TMEM132B: variants seen among roughly 807,000 people sequenced by gnomAD.
TMEM132B encodes transmembrane protein 132B.
Under a neutral mutation model 90.8 loss-of-function variants are expected in TMEM132B, and 18 were observed. That is an observed-to-expected ratio of 0.20 (90% CI 0.14 to 0.29). TMEM132B has a LOEUF of 0.29. TMEM132B is among the 10% of genes least tolerant of loss of function. TMEM132B has a pLI of 1.00. For missense variants in TMEM132B, 1,096 were observed against 1,326.8 expected (o/e 0.83, Z 2.70); for synonymous variants, 504 against 523.3 (o/e 0.96, Z 0.50).
chr12:125,417,882 C>T (rs963842406), intron 3 of TMEM132B, among the ~76,000 whole-genome samples: 1 of 152,168 alleles, frequency 6.6e-6, no homozygotes, highest in South Asian at 2.1e-4. Context: ...CACCCTGAAC[C>T]AATCACTGTA....
chr12:125,314,673 CA>C (rs1876216148), intron 1 of TMEM132B, among the ~76,000 whole-genome samples: 1 of 152,190 alleles, frequency 6.6e-6, no homozygotes, highest in South Asian at 2.1e-4. Context: ...TCTTTTCTTC[CA>C]GCTCAAATGA....
chr12:125,561,486 G>A (rs570812858), intron 4 of TMEM132B, among the ~76,000 whole-genome samples: 11 of 152,124 alleles, frequency 7.2e-5, no homozygotes, highest in Admixed American at 5.9e-4. Flanking sequence ...AAACCTGCAC[G>A]TTCTGCACAT....
intron 4 of TMEM132B, among the ~76,000 whole-genome samples, chr12:125,527,063 C>A (rs111205164): frequency 0.036 from 5,191 of 142,464 alleles, 239 homozygotes; most frequent in African/African-American, 0.12. Context: ...TCCATCCACC[C>A]ATTTACCCTT....
chr12:125,191,517 AT>A (rs1232237566), intron 1 of TMEM132B, among the ~76,000 whole-genome samples: 1 of 152,136 alleles, frequency 6.6e-6, no homozygotes, highest in African/African-American at 2.4e-5. Flanking sequence ...CTTGTGCGGA[AT>A]GGTGTGGCCC....
chr12:125,644,101 T>C lies in TMEM132B; in HGVS notation c.1463T>C (p.Phe488Ser), dbSNP rs1041259058. ...GTTTCCAACAACTGTGATTCCATTT[T>C]TGTGAATGGGAAGGAAATGAAGAGC... ...IKVSNNCDSIFVNGKEMKSKV... is the reference protein window; with the variant it reads ...IKVSNNCDSISVNGKEMKSKV... Residue 488 changes from phenylalanine (F) to serine (S), a missense_variant, in exon 6 of 9, where the codon TTT becomes TCT. Physicochemically the swap from Phe to Ser is radical, Grantham distance 155. Transcript: ENST00000682704. The C allele has an allele frequency of 6.2e-7, 1 of 1,614,220 alleles. No homozygotes were observed. The highest frequency in any genetic ancestry group is 1.1e-5 in the South Asian group (1 of 91,086).
intron 5 of TMEM132B, among the ~76,000 whole-genome samples, chr12:125,604,968 T>G (rs372898952): frequency 6.6e-6 from 1 of 152,190 alleles, no homozygotes; most frequent in East Asian, 1.9e-4. Context: ...AGAAAGTTTG[T>G]GCACAAAACT....
At chr12:125,429,920 C>T (rs115050688) in intron 3 of TMEM132B, among the ~76,000 whole-genome samples, 1,752 of 152,290 alleles carry the variant, frequency 0.012, 31 homozygotes, top group African/African-American at 0.039. Flanking sequence ...TGCGTGCAGC[C>T]CACGCTGAAG....
At chr12:125,517,383 G>A (rs1215202517) in intron 3 of TMEM132B, among the ~76,000 whole-genome samples, 4 of 129,350 alleles carry the variant, frequency 3.1e-5, no homozygotes, top group Admixed American at 1.9e-4. Context: ...TAGTAGAGAC[G>A]GGGTTTCACT....
intron 1 of TMEM132B, among the ~76,000 whole-genome samples, chr12:125,327,221 G>A (rs1876610762): frequency 6.6e-6 from 1 of 152,092 alleles, no homozygotes; most frequent in South Asian, 2.1e-4. Flanking sequence ...GGTCTCTCCT[G>A]AGCTCCAGCA....
chr12:125,464,009 G>T (rs569887102), intron 3 of TMEM132B, among the ~76,000 whole-genome samples: 2 of 152,256 alleles, frequency 1.3e-5, no homozygotes, highest in African/African-American at 4.8e-5. Flanking sequence ...TCACTATCAT[G>T]AGAACAGCAT....
chr12:125,411,272 A>G (rs975820830), intron 2 of TMEM132B, among the ~76,000 whole-genome samples: 2 of 150,206 alleles, frequency 1.3e-5, no homozygotes, highest in Non-Finnish European at 3.0e-5. Context: ...AGAAAACCAA[A>G]CACCGCGTGT....
At chr12:125,212,887 C>T (rs1429455962) in intron 1 of TMEM132B, among the ~76,000 whole-genome samples, 1 of 152,114 alleles carries the variant, frequency 6.6e-6, no homozygotes, top group African/African-American at 2.4e-5. Flanking sequence ...CAGGGTCTAA[C>T]TGTTTCACTT....
Position 125,622,621 on chromosome 12 carries a change from C to T in TMEM132B, c.1438-21455C>T, listed in dbSNP as rs78211470. On this transcript the variant is annotated intron_variant, in intron 5 of 8. Coordinates refer to ENST00000682704, the MANE Select transcript of TMEM132B (RefSeq NM_001366854.1). ...CTGGGTCTCTCTCTGGAAATCTCCA[C>T]TTTGAGTGTGAGTTTAGGTGTCCAG... 3,836 of 985,436 alleles carry T rather than the reference C, an allele frequency of 3.9e-3. 139 individuals carry two copies. In the African/African-American group the frequency reaches 0.062, roughly 16 times the overall value. The allele number at this position is 985,436 out of a possible 1,614,324, so 61.0% of individuals were successfully genotyped here. A position where few individuals can be genotyped will look rare whatever the true frequency, so the allele number is the denominator to read the frequency against.
intron 1 of TMEM132B, among the ~76,000 whole-genome samples, chr12:125,280,371 T>A (rs1178049413): frequency 6.6e-6 from 1 of 152,180 alleles, no homozygotes; most frequent in Non-Finnish European, 1.5e-5. Flanking sequence ...ATTAAAAAAA[T>A]AAAAAGTATT....
At chr12:125,395,905 G>C (rs1419553068) in intron 2 of TMEM132B, among the ~76,000 whole-genome samples, 1 of 152,158 alleles carries the variant, frequency 6.6e-6, no homozygotes, top group African/African-American at 2.4e-5. Flanking sequence ...GAGACAGCTG[G>C]AATCAACAAT....
chr12:125,347,438 A>G (rs1877399371), intron 1 of TMEM132B, among the ~76,000 whole-genome samples: 1 of 152,208 alleles, frequency 6.6e-6, no homozygotes, highest in African/African-American at 2.4e-5. Context: ...CGTGGGCTGT[A>G]TCTTTTTCAC....
chr12:125,373,352 T>C (rs567064450), intron 2 of TMEM132B, among the ~76,000 whole-genome samples: 3 of 152,306 alleles, frequency 2.0e-5, no homozygotes, highest in South Asian at 4.1e-4. Flanking sequence ...TATTTGGATA[T>C]AGGGCCTTTA....
intron 3 of TMEM132B, among the ~76,000 whole-genome samples, chr12:125,480,845 A>G (rs1415004591): frequency 6.6e-6 from 1 of 152,236 alleles, no homozygotes; most frequent in Non-Finnish European, 1.5e-5. Flanking sequence ...ATGAACATCA[A>G]TGCGAATATC....
At chr12:125,474,214 CTTTTTTCTTTTCAT>C (rs1309182977) in intron 3 of TMEM132B, among the ~76,000 whole-genome samples, 1 of 151,064 alleles carries the variant, frequency 6.6e-6, no homozygotes, top group Admixed American at 6.6e-5. Flanking sequence ...TCCTTCTTTA[CTTTTTTCTTTTCAT>C]TTCTCTTCTC....
Sources: gnomAD v4.1 joint callset for allele counts (sites outside exome capture counted in the v4.1 genomes callset) on GRCh38, gnomAD v4.1.1 for gene constraint, MANE v1.5 for transcripts, NCBI Gene and HGNC (gene_info 2026-07-23, HGNC 2026-07-21) for gene names.